Variants in LAMP3 observed in about 807,000 individuals in gnomAD.
LAMP3 encodes the protein lysosome associated membrane protein 3.
In LAMP3, 26 loss-of-function variants were observed where a neutral mutation model predicts 34.8. The ratio of observed to expected loss-of-function variants is 0.75; its 90% confidence interval spans 0.55 to 1.04. LAMP3 has a LOEUF of 1.04. Ranked by LOEUF, LAMP3 falls within the 50% of genes least tolerant of loss-of-function variation. The pLI is 0.00. For synonymous variants in LAMP3, 180 were observed against 201.9 expected (o/e 0.89, Z 0.92); for missense variants, 495 against 524.0 (o/e 0.94, Z 0.54).
chr3:183,150,670 C>T (rs1450550729), intron 3 of LAMP3, among the ~76,000 whole-genome samples: 1 of 151,132 alleles, frequency 6.6e-6, no homozygotes, highest in Non-Finnish European at 1.5e-5. Context: ...AATCTTCCCA[C>T]CTTAGCCTCC....
intron 1 of LAMP3, among the ~76,000 whole-genome samples, chr3:183,160,379 C>A (rs1406095464): frequency 1.3e-5 from 2 of 152,186 alleles, no homozygotes; most frequent in Non-Finnish European, 2.9e-5. Flanking sequence ...GAGCCTGAAC[C>A]CCAAGGCCAG....
At chr3:183,130,972 C>T (rs925241386) in intron 5 of LAMP3, among the ~76,000 whole-genome samples, 15 of 152,142 alleles carry the variant, frequency 9.9e-5, no homozygotes, top group South Asian at 4.2e-4. Context: ...TCCACTGCCC[C>T]CTCTGCTCTC....
upstream of LAMP3, among the ~76,000 whole-genome samples, chr3:183,163,314 T>C (rs1377827124): frequency 2.1e-5 from 3 of 144,608 alleles, no homozygotes; most frequent in African/African-American, 7.7e-5. Flanking sequence ...TGTTTTGTTT[T>C]GTTTTTTGAG....
At chr3:183,139,017 C>T (rs1219445222) in intron 4 of LAMP3, among the ~76,000 whole-genome samples, 1 of 152,196 alleles carries the variant, frequency 6.6e-6, no homozygotes, top group Non-Finnish European at 1.5e-5. Flanking sequence ...CCTTTCTCCC[C>T]TGAAGGCTTC....
intron 4 of LAMP3, 95 bp from the exon 5 acceptor site, chr3:183,135,982 C>T (rs894691273): frequency 4.1e-6 from 4 of 970,258 alleles, no homozygotes; most frequent in South Asian, 1.5e-5. Flanking sequence ...AAATGGCCTT[C>T]CTTCCTTCCG....
chr3:183,136,667 A>C (rs373561691), intron 4 of LAMP3, among the ~76,000 whole-genome samples: 1,568 of 148,446 alleles, frequency 0.011, 29 homozygotes, highest in African/African-American at 0.037. Flanking sequence ...AAAAAAAAAA[A>C]AAACAACTCA....
At chr3:183,127,051 C>T (rs1291675798) in intron 5 of LAMP3, among the ~76,000 whole-genome samples, 3 of 152,182 alleles carry the variant, frequency 2.0e-5, no homozygotes, top group East Asian at 1.9e-4. Flanking sequence ...TACTAAACTT[C>T]GTTTCCAGTT....
At chr3:183,163,448 G>A (rs1487824029), upstream of LAMP3, among the ~76,000 whole-genome samples, 2 of 148,824 alleles carry the variant, frequency 1.3e-5, no homozygotes, top group Non-Finnish European at 3.0e-5. Flanking sequence ...CCGCCACCAC[G>A]CCCAGCTAAT....
chr3:183,141,278 G>A (rs928634937), intron 3 of LAMP3, among the ~76,000 whole-genome samples: 1 of 152,134 alleles, frequency 6.6e-6, no homozygotes, highest in African/African-American at 2.4e-5. Flanking sequence ...ACCCCAAGTG[G>A]TTGTATTTAA....
In LAMP3 at chr3:183,123,106, T is replaced by C. The variant is rs893930786; in HGVS notation, c.*975A>G. The C allele has an allele frequency of 1.3e-5, 2 of 152,248 alleles. No individual in the cohort carries two copies. Among genetic ancestry groups the C allele is most frequent in the Non-Finnish European group, 1.5e-5 (1 of 68,048 alleles). The allele number at this position is 152,248 out of a possible 1,614,324, so 9.4% of individuals were successfully genotyped here. A position where few individuals can be genotyped will look rare whatever the true frequency, so the allele number is the denominator to read the frequency against. On this transcript the variant is annotated 3_prime_UTR_variant, in exon 6 of 6. Transcript: ENST00000265598. The stretch of plus-strand genomic sequence containing the variant: ...GGCCATTATTATTGTCTCTTGCTTA[T>C]TGTTTAGTTCTACCATCTGTAGCCA...
At chr3:183,130,315 C>T (rs1001464568) in intron 5 of LAMP3, among the ~76,000 whole-genome samples, 2 of 151,968 alleles carry the variant, frequency 1.3e-5, no homozygotes, top group African/African-American at 2.4e-5. Context: ...CCTGCCACCA[C>T]GCCTGGCTAA....
chr3:183,131,738 T>C (rs757649698), intron 5 of LAMP3, among the ~76,000 whole-genome samples: 2 of 152,148 alleles, frequency 1.3e-5, no homozygotes, highest in Non-Finnish European at 2.9e-5. Context: ...TTAAAAATAA[T>C]GAATGGCACC....
chr3:183,124,185 C>A lies in LAMP3; in HGVS notation c.1147G>T (p.Val383Leu), dbSNP rs1409128611. The A allele has an allele frequency of 1.2e-6, 2 of 1,605,664 alleles. No individual in the cohort carries two copies. Among genetic ancestry groups the A allele is most frequent in the Non-Finnish European group, 1.7e-6 (2 of 1,177,214 alleles). Residue 383 changes from valine to leucine, a missense_variant, in exon 6 of 6, where the codon GTG (valine) becomes TTG (leucine). Val to Leu is a conservative substitution (Grantham distance 32). Transcript: ENST00000265598. ...VDECSSDYTI[V>L]LPVIGAIVVG... ...ACGATGGCCCCAATCACAGGAAGCACAATTGTGTAGTCAGACGAGCACTCA... is the reference window on the plus strand; with the variant it reads ...ACGATGGCCCCAATCACAGGAAGCAAAATTGTGTAGTCAGACGAGCACTCA...
At chr3:183,136,025 C>G (rs1720077325) in intron 4 of LAMP3, 138 bp from the exon 5 acceptor site, 1 of 712,930 alleles carries the variant, frequency 1.4e-6, no homozygotes, top group Non-Finnish European at 2.4e-6. Context: ...CACCTTCTCC[C>G]CATGAAAAAA....
At chr3:183,126,886 G>T (rs745670977) in intron 5 of LAMP3, among the ~76,000 whole-genome samples, 3 of 152,118 alleles carry the variant, frequency 2.0e-5, no homozygotes, top group Non-Finnish European at 4.4e-5. Flanking sequence ...TAGGATAAAA[G>T]AACTTGAAGG....
At position 183,156,948 on chromosome 3, in the gene LAMP3, G is replaced by C. The variant is rs1055252705; in HGVS notation, c.50-2557C>G. Among the ~76,000 whole-genome samples the C allele has an allele frequency of 9.2e-5, 14 of 152,154 alleles. No homozygotes were observed. The East Asian group carries it at 1.2e-3, about 13-fold the overall frequency. On this transcript the variant is annotated intron_variant, in intron 1 of 5. Coordinates refer to ENST00000265598, the MANE Select transcript of LAMP3 (RefSeq NM_014398.4). ...TGGTGAGAGAAGACACAAAAGCAGAGGAGAGAGGAACAGGAGGGTGCCCTC... is the reference window on the plus strand; with the variant it reads ...TGGTGAGAGAAGACACAAAAGCAGACGAGAGAGGAACAGGAGGGTGCCCTC...
intron 3 of LAMP3, among the ~76,000 whole-genome samples, chr3:183,141,452 G>A (rs190641985): frequency 2.6e-5 from 4 of 152,140 alleles, no homozygotes; most frequent in Admixed American, 2.0e-4. Flanking sequence ...TTTTTTAATT[G>A]AGGTGATCCA....
chr3:183,135,459 G>A (rs957035318), intron 5 of LAMP3, among the ~76,000 whole-genome samples: 8 of 152,212 alleles, frequency 5.3e-5, no homozygotes, highest in East Asian at 1.9e-4. Context: ...GATTGAGCGC[G>A]TGAGTGTTTA....
intron 4 of LAMP3, 60 bp from the exon 5 acceptor site, chr3:183,135,947 GT>G: frequency 7.2e-7 from 1 of 1,394,008 alleles, no homozygotes; most frequent in Non-Finnish European, 1.0e-6. Flanking sequence ...AGCTCCAGCT[GT>G]GGCCGGGCTG....
Sources: allele counts gnomAD v4.1 joint callset (sites outside exome capture counted in the v4.1 genomes callset), GRCh38; gene constraint gnomAD v4.1.1; transcripts MANE v1.5; gene names NCBI Gene and HGNC (gene_info 2026-07-23, HGNC 2026-07-21).